The following CNTNAP5 variants were observed in gnomAD, a reference collection of about 807,000 sequenced individuals.
CNTNAP5 encodes the protein contactin associated protein family member 5.
CNTNAP5 carries 72 observed loss-of-function variants against 150.2 expected under a neutral mutation model. The ratio of observed to expected loss-of-function variants is 0.48; its 90% CI spans 0.40 to 0.58. CNTNAP5 has a LOEUF of 0.58. Among genes scored for constraint, CNTNAP5 ranks in the 20% least tolerant of loss-of-function variants. The pLI is 0.00. For missense variants in CNTNAP5, 1,636 were observed against 1,626.2 expected (o/e 1.01, Z -0.10); for synonymous variants, 672 against 619.8 (o/e 1.08, Z -1.25).
intron 3 of CNTNAP5, among the ~76,000 whole-genome samples, chr2:124,359,611 G>A (rs1321167462): frequency 2.7e-4 from 34 of 127,816 alleles, no homozygotes; most frequent in African/African-American, 3.4e-4. Context: ...GTAGTTGAGC[G>A]GTTTTGAGTG....
In CNTNAP5 at chr2:124,818,957, C is replaced by A. The variant is rs374865045; in HGVS notation, c.3217+20637C>A. ...GTTTTACACTAACTTTCTCTATGTG[C>A]AAACCCATTTAGCTCAGTTTCATGT... On this transcript the variant is annotated intron_variant, in intron 19 of 23. Coordinates refer to ENST00000682447, the MANE Select transcript of CNTNAP5 (RefSeq NM_001367498.1). 1.8e-4 allele frequency among the ~76,000 whole-genome samples: 27 copies of A among 152,220 alleles called. 1 individual carries two copies. The East Asian group carries it at 3.1e-3, about 18-fold the overall frequency.
intron 21 of CNTNAP5, among the ~76,000 whole-genome samples, chr2:124,873,676 G>A (rs1677796384): frequency 1.3e-5 from 2 of 152,010 alleles, no homozygotes; most frequent in African/African-American, 4.8e-5. Context: ...GAGTAAAGTA[G>A]GGATGGAGAA....
In CNTNAP5 at chr2:124,087,093, C is replaced by T. The variant is rs140938208; in HGVS notation, c.82+61361C>T. Among the ~76,000 whole-genome samples, 346 of 151,772 alleles carry T rather than the reference C, an allele frequency of 2.3e-3. 11 individuals carry two copies. Among genetic ancestry groups the T allele is most frequent in the African/African-American group, 8.2e-3 (337 of 41,148 alleles). ...TACAGAAACCTTACTTCTTTTTGTG[C>T]CCCTTTATCCTTCGCCTTTGGTCAT... On this transcript the variant is annotated intron_variant, in intron 1 of 23. Coordinates refer to ENST00000682447, the MANE Select transcript of CNTNAP5 (RefSeq NM_001367498.1).
intron 1 of CNTNAP5, among the ~76,000 whole-genome samples, chr2:124,044,400 C>G (rs375000309): frequency 2.3e-4 from 35 of 152,206 alleles, no homozygotes; most frequent in African/African-American, 6.3e-4. Context: ...AAAGATTTCA[C>G]AACCCAGGTA....
At chr2:124,228,052 G>T (rs561380480) in intron 2 of CNTNAP5, among the ~76,000 whole-genome samples, 1 of 152,216 alleles carries the variant, frequency 6.6e-6, no homozygotes, top group South Asian at 2.1e-4. Context: ...GAAGAGGGAG[G>T]CTGGTGGTGT....
rs959062656 is a variant in CNTNAP5 at position 124,749,952 on chromosome 2, CT to C, written c.2234+2569del. On this transcript the variant is annotated intron_variant, in intron 14 of 23. Coordinates refer to ENST00000682447, the MANE Select transcript of CNTNAP5 (RefSeq NM_001367498.1). Reference sequence around the variant, plus strand: ...CTTTCCTAAAACTTTCCACTGATCTCTTCCATTCCGCTCCCAGCCTCTCCCT... The same window carrying C: ...CTTTCCTAAAACTTTCCACTGATCTCTCCATTCCGCTCCCAGCCTCTCCCT... Among the ~76,000 whole-genome samples the C allele has an allele frequency of 1.1e-4, 17 of 152,282 alleles. 1 individual carries two copies. Among genetic ancestry groups the C allele is most frequent in the African/African-American group, 3.6e-4 (15 of 41,560 alleles).
chr2:124,491,239 C>T lies in CNTNAP5; in HGVS notation c.1063-13053C>T, dbSNP rs80275251. ...CATTTCTCTTACCCTCTAACCCTGA[C>T]AAGTACTGTTCTATTCTCTGCTCCT... On this transcript the variant is annotated intron_variant, in intron 7 of 23. Coordinates refer to ENST00000682447, the MANE Select transcript of CNTNAP5 (RefSeq NM_001367498.1). 2.7e-3 allele frequency among the ~76,000 whole-genome samples: 410 copies of T among 152,242 alleles called. 4 individuals are homozygous for T. Among genetic ancestry groups the T allele is most frequent in the African/African-American group, 9.2e-3 (384 of 41,554 alleles).
At chr2:124,898,190 A>G (rs1454252836) in intron 21 of CNTNAP5, among the ~76,000 whole-genome samples, 1 of 151,350 alleles carries the variant, frequency 6.6e-6, no homozygotes, top group East Asian at 1.9e-4. Context: ...TTACCTTGAT[A>G]CAACATTTTA....
chr2:124,084,916 A>T (rs1682644422), intron 1 of CNTNAP5, among the ~76,000 whole-genome samples: 1 of 35,332 alleles, frequency 2.8e-5, no homozygotes, highest in Non-Finnish European at 6.0e-5. Flanking sequence ...TATGAATTCA[A>T]GTTTCCTGTT....
chr2:124,433,603 T>C (rs1007064037), intron 4 of CNTNAP5, among the ~76,000 whole-genome samples: 7 of 151,530 alleles, frequency 4.6e-5, no homozygotes, highest in Non-Finnish European at 1.0e-4. Context: ...CCACAGAACA[T>C]GGTATATAAT....
chr2:124,708,474 C>A lies in CNTNAP5; in HGVS notation c.2078-38755C>A, dbSNP rs968484737. Among the ~76,000 whole-genome samples the A allele has an allele frequency of 1.1e-4, 17 of 151,784 alleles. No individual in the cohort carries two copies. In the East Asian group the frequency reaches 3.3e-3, roughly 29 times the overall value. On this transcript the variant is annotated intron_variant, in intron 13 of 23. Transcript: ENST00000682447. ...TCCTGCTGGTGCTTCTATTGGCGGG[C>A]GGACATGGGAACCTGGCAGTGCAAT...
intron 13 of CNTNAP5, among the ~76,000 whole-genome samples, chr2:124,682,683 T>G (rs2105070357): frequency 6.6e-6 from 1 of 152,300 alleles, no homozygotes; most frequent in East Asian, 1.9e-4. Flanking sequence ...CTGAAATGGT[T>G]GATTTTATTT....
chr2:124,646,528 T>C (rs886444842), intron 12 of CNTNAP5, among the ~76,000 whole-genome samples: 1 of 152,250 alleles, frequency 6.6e-6, no homozygotes, highest in Non-Finnish European at 1.5e-5. Flanking sequence ...AGAGTAATGA[T>C]GTAATTATGC....
intron 3 of CNTNAP5, among the ~76,000 whole-genome samples, chr2:124,289,076 GT>G (rs2104631765): frequency 6.6e-6 from 1 of 152,274 alleles, no homozygotes; most frequent in East Asian, 1.9e-4. Context: ...AATCAGAGGG[GT>G]TAGGTGGCCA....
intron 1 of CNTNAP5, among the ~76,000 whole-genome samples, chr2:124,041,294 T>G (rs1353970557): frequency 6.6e-6 from 1 of 152,244 alleles, no homozygotes; most frequent in African/African-American, 2.4e-5. Context: ...ATTGGGTTCC[T>G]ATAGCTAAGT....
intron 1 of CNTNAP5, among the ~76,000 whole-genome samples, chr2:124,179,556 C>T (rs1461018434): frequency 6.6e-6 from 1 of 152,108 alleles, no homozygotes; most frequent in Non-Finnish European, 1.5e-5. Flanking sequence ...TAAAAAATCA[C>T]AAAACAACAA....
chr2:124,762,953 C>A (rs141207857), intron 14 of CNTNAP5, among the ~76,000 whole-genome samples: 26 of 152,130 alleles, frequency 1.7e-4, no homozygotes, highest in African/African-American at 6.3e-4. Flanking sequence ...TGCTAGTTTC[C>A]TACATCCAAT....
At position 124,242,263 on chromosome 2, in the gene CNTNAP5, A is replaced by G. The variant is rs1686906486; in HGVS notation, c.251A>G (p.Asn84Ser). Residue 84 changes from asparagine to serine, a missense_variant, in exon 3 of 24, where the codon AAC (asparagine) becomes AGC (serine). Asn to Ser is a conservative substitution (Grantham distance 46). Coordinates refer to ENST00000682447, the MANE Select transcript of CNTNAP5 (RefSeq NM_001367498.1). ...CAGTGGCTCCAGATGGACCTGGGAA[A>G]CAGAGTAGAGATTACAGCAGTGGCC... ...AQQWLQMDLG[N>S]RVEITAVATQ... 6.2e-7 allele frequency: 1 copy of G among 1,607,894 alleles called. No individual in the cohort carries two copies. Among genetic ancestry groups the G allele is most frequent in the East Asian group, 2.2e-5 (1 of 44,464 alleles).
At chr2:124,041,649 G>T (rs1313420290) in intron 1 of CNTNAP5, among the ~76,000 whole-genome samples, 1 of 152,024 alleles carries the variant, frequency 6.6e-6, no homozygotes, top group Non-Finnish European at 1.5e-5. Context: ...AGACATTTTT[G>T]GTTGTCACAG....
Sources: allele counts gnomAD v4.1 joint callset (sites outside exome capture counted in the v4.1 genomes callset), GRCh38; gene constraint gnomAD v4.1.1; transcripts MANE v1.5; gene names NCBI Gene and HGNC (gene_info 2026-07-23, HGNC 2026-07-21).